Variants in PTPN1 observed in about 807,000 individuals in gnomAD.
PTPN1 encodes tyrosine-protein phosphatase non-receptor type 1.
PTPN1 carries 12 observed loss-of-function variants against 59.9 expected under a neutral mutation model. The ratio of observed to expected loss-of-function variants is 0.20; its 90% CI spans 0.13 to 0.32. The LOEUF (loss-of-function observed/expected upper bound fraction) is 0.32, where lower values mean the gene tolerates loss of function less well. PTPN1 is among the 10% of genes least tolerant of loss of function. The pLI, the probability that PTPN1 is intolerant of heterozygous loss-of-function variation, is 1.00. For missense variants in PTPN1, 356 were observed against 549.2 expected, an observed-to-expected ratio of 0.65 and a Z score of 3.52; for synonymous variants, 178 against 203.6, an observed-to-expected ratio of 0.87 and a Z score of 1.07.
At chr20:50,567,768 G>A (rs540628455) in intron 3 of PTPN1, among the ~76,000 whole-genome samples, 15 of 152,312 alleles carry the variant, frequency 9.8e-5, no homozygotes, top group Admixed American at 2.6e-4. Context: ...GCTGTCTGCC[G>A]TCAGGGTCCT....
In PTPN1 at chr20:50,531,641, T is replaced by A. The variant is rs528945236; in HGVS notation, c.63+21051T>A. The stretch of plus-strand genomic sequence containing the variant: ...ATCTGTCTGCCTCAGCCTCCCAAAG[T>A]GCTGGGATTACAGGCGTGAGCCACT... On this transcript the variant is annotated intron_variant, in intron 1 of 9. Transcript: ENST00000371621. Among the ~76,000 whole-genome samples the A allele has an allele frequency of 7.9e-5, 12 of 152,318 alleles. No homozygotes were observed. The South Asian group carries it at 2.5e-3, about 32-fold the overall frequency.
intron 3 of PTPN1, among the ~76,000 whole-genome samples, chr20:50,567,574 C>T (rs1446115102): frequency 6.6e-6 from 1 of 152,214 alleles, no homozygotes; most frequent in Non-Finnish European, 1.5e-5. Flanking sequence ...ATAATTGAGA[C>T]AAACTCAAGG....
intron 2 of PTPN1, among the ~76,000 whole-genome samples, chr20:50,564,016 T>C (rs1330660562): frequency 6.6e-6 from 1 of 152,148 alleles, no homozygotes; most frequent in African/African-American, 2.4e-5. Flanking sequence ...CTTTGTGATA[T>C]GCTCTGAATT....
chr20:50,523,689 A>T (rs887582102), intron 1 of PTPN1, among the ~76,000 whole-genome samples: 1 of 152,224 alleles, frequency 6.6e-6, no homozygotes, highest in Admixed American at 6.5e-5. Context: ...AGTCCAGCAG[A>T]CAAAGTGGCT....
chr20:50,571,848 T>C (rs1225667447), intron 4 of PTPN1: 1 of 152,158 alleles, frequency 6.6e-6, no homozygotes, highest in Non-Finnish European at 1.5e-5. Flanking sequence ...TAATTGGCCA[T>C]TGCAGAATCT....
At chr20:50,533,436 T>G (rs1246383072) in intron 1 of PTPN1, among the ~76,000 whole-genome samples, 1 of 151,778 alleles carries the variant, frequency 6.6e-6, no homozygotes, top group East Asian at 1.9e-4. Context: ...CATTACCCAC[T>G]GCCCCCTGCC....
chr20:50,515,433 TGTA>T (rs1482740755), intron 1 of PTPN1, among the ~76,000 whole-genome samples: 1 of 152,240 alleles, frequency 6.6e-6, no homozygotes, highest in East Asian at 1.9e-4. Context: ...CTGCTGTCAT[TGTA>T]GCTGCGTCTT....
intron 1 of PTPN1, among the ~76,000 whole-genome samples, chr20:50,557,418 G>A (rs2082730661): frequency 6.6e-6 from 1 of 152,020 alleles, no homozygotes; most frequent in Admixed American, 6.6e-5. Flanking sequence ...TTTATCTTTT[G>A]ATACATTATT....
At position 50,582,833 on chromosome 20, in the gene PTPN1, C is replaced by A; in HGVS notation, c.*118C>A. The A allele has an allele frequency of 7.9e-7, 1 of 1,269,498 alleles. No homozygotes were observed. Among genetic ancestry groups the A allele is most frequent in the African/African-American group, 1.5e-5 (1 of 68,038 alleles). 78.6% of individuals were successfully genotyped at this position (1,269,498 alleles called of 1,614,324 possible). On this transcript the variant is annotated 3_prime_UTR_variant, in exon 10 of 10. Coordinates refer to ENST00000371621, the MANE Select transcript of PTPN1 (RefSeq NM_002827.4). The surrounding 1 kb of genome is among the most constrained non-coding windows in gnomAD (Gnocchi z 4.2). Reference sequence around the variant, plus strand: ...CGCCGGACCGCGTAGAGAGCCGGGCCCCGGACGGACGTTGGTTCTGCACTA... The same window carrying A: ...CGCCGGACCGCGTAGAGAGCCGGGCACCGGACGGACGTTGGTTCTGCACTA...
At chr20:50,524,696 C>G (rs2082566600) in intron 1 of PTPN1, among the ~76,000 whole-genome samples, 1 of 149,726 alleles carries the variant, frequency 6.7e-6, no homozygotes, top group African/African-American at 2.5e-5. Flanking sequence ...GCTGTCTCAG[C>G]CTCCTAAGTA....
At chr20:50,525,841 T>C (rs1176980346) in intron 1 of PTPN1, among the ~76,000 whole-genome samples, 2 of 152,092 alleles carry the variant, frequency 1.3e-5, no homozygotes, top group Non-Finnish European at 2.9e-5. Context: ...AGTAGATATA[T>C]GGGGTAAAAG....
chr20:50,516,214 C>T (rs531671461), intron 1 of PTPN1, among the ~76,000 whole-genome samples: 1 of 74,432 alleles, frequency 1.3e-5, no homozygotes, highest in Admixed American at 1.8e-4. Context: ...ACGACTGTTA[C>T]CAAGTCTTTG....
intron 1 of PTPN1, among the ~76,000 whole-genome samples, chr20:50,531,225 G>A (rs1382906650): frequency 3.9e-5 from 6 of 152,118 alleles, no homozygotes; most frequent in Non-Finnish European, 7.3e-5. Context: ...TGCTTCTCTC[G>A]TTTAGACTGT....
intron 1 of PTPN1, among the ~76,000 whole-genome samples, chr20:50,546,118 G>A (rs2082674923): frequency 6.6e-6 from 1 of 152,194 alleles, no homozygotes; most frequent in Admixed American, 6.5e-5. Flanking sequence ...AGGGATGGTA[G>A]CGTTTATGAG....
At chr20:50,537,123 G>A (rs1013404688) in intron 1 of PTPN1, among the ~76,000 whole-genome samples, 2 of 152,166 alleles carry the variant, frequency 1.3e-5, no homozygotes, top group African/African-American at 4.8e-5. Flanking sequence ...AGGAGTTTGA[G>A]ACCAGACTGG....
At chr20:50,560,758 T>G (rs1363248739) in intron 1 of PTPN1, among the ~76,000 whole-genome samples, 2 of 152,140 alleles carry the variant, frequency 1.3e-5, no homozygotes, top group African/African-American at 4.8e-5. Context: ...TAAAATTTTT[T>G]AAGTAATAAA....
chr20:50,528,530 A>T (rs931456664), intron 1 of PTPN1, among the ~76,000 whole-genome samples: 1 of 152,028 alleles, frequency 6.6e-6, no homozygotes, highest in Non-Finnish European at 1.5e-5. Context: ...CCTGGCCAAC[A>T]TGGTGAAACC....
chr20:50,516,671 A>G (rs1164452671), intron 1 of PTPN1, among the ~76,000 whole-genome samples: 1 of 152,182 alleles, frequency 6.6e-6, no homozygotes, highest in Admixed American at 6.5e-5. Flanking sequence ...AATAGAGTTC[A>G]TTTGACTTGG....
intron 1 of PTPN1, among the ~76,000 whole-genome samples, chr20:50,530,034 C>T (rs1287213692): frequency 6.6e-6 from 1 of 152,000 alleles, no homozygotes; most frequent in Non-Finnish European, 1.5e-5. Context: ...GCCACTACAC[C>T]TGGCTAATAT....
Sources: gnomAD v4.1 joint callset for allele counts (sites outside exome capture counted in the v4.1 genomes callset) on GRCh38, gnomAD v4.1.1 for gene constraint, Gnocchi (gnomAD v3.1) non-coding constraint, MANE v1.5 for transcripts, NCBI Gene and HGNC (gene_info 2026-07-23, HGNC 2026-07-21) for gene names.